FGF14: variants seen among roughly 807,000 people sequenced by gnomAD.
FGF14 encodes the protein fibroblast growth factor 14, also known as fibroblast growth factor homologous factor 4.
Under a neutral mutation model 25.5 loss-of-function variants are expected in FGF14, and 5 were observed. The observed-to-expected ratio is 0.20, with a 90% confidence interval of 0.10 to 0.41. The LOEUF is 0.41. Among genes scored for constraint, FGF14 ranks in the 10% least tolerant of loss-of-function variants. The pLI, the probability that FGF14 is intolerant of heterozygous loss-of-function variation, is 1.00. For synonymous variants in FGF14, 138 were observed against 118.3 expected (o/e 1.17, Z -1.08); for missense variants, 222 against 320.1 (o/e 0.69, Z 2.34).
intron 3 of FGF14, among the ~76,000 whole-genome samples, chr13:101,783,958 T>TTTG (rs199886185): frequency 5.9e-5 from 9 of 152,166 alleles, no homozygotes; most frequent in Non-Finnish European, 8.8e-5. Flanking sequence ...CCATTGCTTT[T>TTTG]TTGTTGTTGT....
chr13:102,024,736 G>T (rs2040838929), intron 1 of FGF14, among the ~76,000 whole-genome samples: 1 of 151,808 alleles, frequency 6.6e-6, no homozygotes, highest in Non-Finnish European at 1.5e-5. Context: ...GAGTTTTATA[G>T]TTTAGGTCGA....
chr13:102,324,619 C>T (rs762536488), intron 1 of FGF14, among the ~76,000 whole-genome samples: 8 of 152,118 alleles, frequency 5.3e-5, no homozygotes, highest in African/African-American at 1.4e-4. Context: ...CCTCAAAAAA[C>T]GTCAGTTCAT....
chr13:102,063,583 T>G (rs1477452567), intron 1 of FGF14, among the ~76,000 whole-genome samples: 1 of 150,764 alleles, frequency 6.6e-6, no homozygotes, highest in Non-Finnish European at 1.5e-5. Flanking sequence ...GCCATTGCAC[T>G]CCAGCCTGGG....
chr13:102,165,522 G>A (rs1345157988), intron 1 of FGF14, among the ~76,000 whole-genome samples: 1 of 151,700 alleles, frequency 6.6e-6, no homozygotes, highest in Non-Finnish European at 1.5e-5. Context: ...GCAGGGACAT[G>A]GATGAAGCTG....
chr13:102,020,513 C>A (rs2040582541), intron 1 of FGF14, among the ~76,000 whole-genome samples: 1 of 151,974 alleles, frequency 6.6e-6, no homozygotes, highest in African/African-American at 2.4e-5. Flanking sequence ...ACGCATTGCA[C>A]TCCAGTCTGG....
intron 1 of FGF14, among the ~76,000 whole-genome samples, chr13:102,008,660 T>A (rs1377698700): frequency 6.6e-6 from 1 of 152,176 alleles, no homozygotes; most frequent in African/African-American, 2.4e-5. Context: ...TGTTTTTTTT[T>A]ATTGCTCTCT....
At chr13:101,951,736 T>G (rs540313912) in intron 1 of FGF14, among the ~76,000 whole-genome samples, 113 of 152,298 alleles carry the variant, frequency 7.4e-4, no homozygotes, top group Non-Finnish European at 1.1e-3. Context: ...AATTCCAAAT[T>G]GGAATCTAAT....
chr13:101,759,521 C>G (rs1180429507), intron 3 of FGF14, among the ~76,000 whole-genome samples: 1 of 152,102 alleles, frequency 6.6e-6, no homozygotes, highest in Non-Finnish European at 1.5e-5. Flanking sequence ...CTCTGAGTGC[C>G]CATTACCCTT....
At chr13:102,023,173 C>A (rs1302899143) in intron 1 of FGF14, among the ~76,000 whole-genome samples, 1 of 151,808 alleles carries the variant, frequency 6.6e-6, no homozygotes, top group Non-Finnish European at 1.5e-5. Context: ...TACAGTTTAA[C>A]CCTAATATCA....
intron 1 of FGF14, among the ~76,000 whole-genome samples, chr13:102,385,142 G>A (rs1043559135): frequency 4.6e-5 from 7 of 152,066 alleles, no homozygotes; most frequent in Non-Finnish European, 5.9e-5. Flanking sequence ...AACATTTTTC[G>A]TTTCCTCCCT....
chr13:101,849,296 G>A (rs756597647), intron 3 of FGF14, among the ~76,000 whole-genome samples: 5 of 152,088 alleles, frequency 3.3e-5, no homozygotes, highest in African/African-American at 7.2e-5. Flanking sequence ...GTAAGCGACC[G>A]GAAACCAAAT....
At position 102,076,289 on chromosome 13, in the gene FGF14, C is replaced by T. The variant is rs1033911188; in HGVS notation, c.209-200993G>A. 4.6e-4 allele frequency among the ~76,000 whole-genome samples: 70 copies of T among 152,032 alleles called. 1 individual carries two copies. The highest frequency in any genetic ancestry group is 7.1e-4 in the Non-Finnish European group (48 of 67,988). On this transcript the variant is annotated intron_variant, in intron 1 of 4. Coordinates refer to the FGF14 transcript ENST00000376131. Reference sequence around the variant, plus strand: ...TCTTTTATACCATATTTTAATGTACCTTTTCTATGATTAGATATGTTTAGA... The same window carrying T: ...TCTTTTATACCATATTTTAATGTACTTTTTCTATGATTAGATATGTTTAGA...
intron 1 of FGF14, among the ~76,000 whole-genome samples, chr13:102,134,386 C>T (rs76823827): frequency 1.2e-3 from 185 of 152,264 alleles, no homozygotes; most frequent in African/African-American, 4.1e-3. Context: ...TTCTGCCCAC[C>T]TTGAGATAAT....
At chr13:102,052,797 G>C (rs1356138016) in intron 1 of FGF14, among the ~76,000 whole-genome samples, 1 of 152,080 alleles carries the variant, frequency 6.6e-6, no homozygotes, top group Non-Finnish European at 1.5e-5. Context: ...TTCTCAAGCT[G>C]AAAGAAGAAG....
chr13:102,038,434 A>G (rs1228854390), intron 1 of FGF14, among the ~76,000 whole-genome samples: 1 of 152,004 alleles, frequency 6.6e-6, no homozygotes, highest in Non-Finnish European at 1.5e-5. Flanking sequence ...CATGAAAAAC[A>G]TTTTCCAGGG....
rs764921436 is a variant in FGF14 at position 101,916,657 on chromosome 13, G to C, written c.-12C>G. 2 of 1,534,628 alleles carry C rather than the reference G, an allele frequency of 1.3e-6. No homozygotes were observed. Among genetic ancestry groups the C allele is most frequent in the Admixed American group, 3.9e-5 (2 of 51,616 alleles). On this transcript the variant is annotated 5_prime_UTR_variant, in exon 1 of 5. Transcript: ENST00000376143. ...ATGGCCGCGGCCATGGTGGCCCCGG[G>C]AACGGGTCCGGGGAGGGAGGGCGCG...
At chr13:101,883,919 C>T (rs557281605) in intron 1 of FGF14, among the ~76,000 whole-genome samples, 6 of 150,702 alleles carry the variant, frequency 4.0e-5, no homozygotes, top group South Asian at 4.3e-4. Context: ...AAAAATTAGC[C>T]GGGTGTGGTG....
At chr13:102,015,497 C>A (rs1348161326) in intron 1 of FGF14, among the ~76,000 whole-genome samples, 1 of 152,042 alleles carries the variant, frequency 6.6e-6, no homozygotes, top group African/African-American at 2.4e-5. Context: ...TCTTATCAAC[C>A]ATTGTTCTTA....
intron 1 of FGF14, among the ~76,000 whole-genome samples, chr13:102,361,147 CTTTTTT>C (rs2057553922): frequency 6.6e-6 from 1 of 152,102 alleles, no homozygotes; most frequent in Non-Finnish European, 1.5e-5. Context: ...TTGATATGCT[CTTTTTT>C]GAGCATCTCA....
Sources: allele counts gnomAD v4.1 joint callset (sites outside exome capture counted in the v4.1 genomes callset), GRCh38; gene constraint gnomAD v4.1.1; transcripts MANE v1.5; gene names NCBI Gene and HGNC (gene_info 2026-07-23, HGNC 2026-07-21).